The following PACSIN2 variants were observed in gnomAD, a reference collection of about 807,000 sequenced individuals.
PACSIN2 encodes protein kinase C and casein kinase substrate in neurons 2, also known as protein kinase C and casein kinase substrate in neurons protein 2.
A neutral mutation model predicts 63.8 loss-of-function variants in PACSIN2; 25 were observed. The ratio of observed to expected loss-of-function variants is 0.39; its 90% confidence interval spans 0.29 to 0.55. The LOEUF is 0.55. Among genes scored for constraint, PACSIN2 ranks in the 20% least tolerant of loss-of-function variants. The pLI is 0.62. For synonymous variants in PACSIN2, 255 were observed against 256.2 expected (o/e 1.00, Z 0.05); for missense variants, 518 against 646.9 (o/e 0.80, Z 2.16).
intron 1 of PACSIN2, among the ~76,000 whole-genome samples, chr22:43,001,019 C>G (rs1398025355): frequency 6.6e-6 from 1 of 152,202 alleles, no homozygotes; most frequent in Non-Finnish European, 1.5e-5. Flanking sequence ...GCACAAGCAG[C>G]CCTTGGGCCC....
At chr22:42,981,287 GCAACCACC>G (rs1445018433) in intron 1 of PACSIN2, among the ~76,000 whole-genome samples, 8 of 135,618 alleles carry the variant, frequency 5.9e-5, no homozygotes, top group Non-Finnish European at 1.3e-4. Flanking sequence ...CCTCCGTCCG[GCAACCACC>G]CCGTCTGGGA....
chr22:42,883,280 G>T (rs2014923542), intron 6 of PACSIN2, among the ~76,000 whole-genome samples: 1 of 152,092 alleles, frequency 6.6e-6, no homozygotes, highest in Non-Finnish European at 1.5e-5. Context: ...AATAAGATGG[G>T]GTCAGTGCCA....
chr22:43,010,054 G>C (rs936257744), intron 1 of PACSIN2, among the ~76,000 whole-genome samples: 1 of 151,658 alleles, frequency 6.6e-6, no homozygotes, highest in African/African-American at 2.4e-5. Context: ...ATTTTCAGCA[G>C]AGATGGGGTT....
Position 42,907,694 on chromosome 22 carries a change from G to A in PACSIN2, c.60+4327C>T, listed in dbSNP as rs890149096. Among the ~76,000 whole-genome samples the A allele has an allele frequency of 2.6e-5, 4 of 152,282 alleles. No homozygotes were observed. The South Asian group carries it at 6.2e-4, about 24-fold the overall frequency. ...TGACATTCGCTCGCTTCGTGCTTGCGCTCAGGGCACTGCTCTGCCGCCTCC... is the reference window on the plus strand; with the variant it reads ...TGACATTCGCTCGCTTCGTGCTTGCACTCAGGGCACTGCTCTGCCGCCTCC... On this transcript the variant is annotated intron_variant, in intron 2 of 10. Coordinates refer to ENST00000263246, the MANE Select transcript of PACSIN2 (RefSeq NM_001184970.3).
intron 8 of PACSIN2, among the ~76,000 whole-genome samples, chr22:42,878,066 C>G (rs1326275866): frequency 6.6e-6 from 1 of 152,224 alleles, no homozygotes; most frequent in Non-Finnish European, 1.5e-5. Flanking sequence ...CTCACCGGCC[C>G]TCCTCCCTCC....
intron 1 of PACSIN2, among the ~76,000 whole-genome samples, chr22:42,969,818 C>T (rs554240903): frequency 4.0e-5 from 6 of 151,726 alleles, no homozygotes; most frequent in African/African-American, 1.5e-4. Context: ...AGCTGTGGTC[C>T]CAGCTACTCA....
rs1275977819 is a variant in PACSIN2 at position 42,882,244 on chromosome 22, G to A, written c.846C>T (p.Asp282=). Residue 282 remains aspartate (D), a synonymous_variant, in exon 7 of 11, where the codon GAC becomes GAT. Transcript: ENST00000263246. ...QSIRAADAVE[D]LRWFRANHGP... ...CGTGATTGGCTCGGAACCACCTCAG[G>A]TCCTCCACTGCATCAGCTGCTCTGA... 6.2e-7 allele frequency: 1 copy of A among 1,613,992 alleles called. No homozygotes were observed. The highest frequency in any genetic ancestry group is 8.5e-7 in the Non-Finnish European group (1 of 1,179,924).
At chr22:42,998,236 C>A (rs1923542782) in intron 1 of PACSIN2, among the ~76,000 whole-genome samples, 1 of 152,190 alleles carries the variant, frequency 6.6e-6, no homozygotes, top group South Asian at 2.1e-4. Flanking sequence ...CCTGGGGACC[C>A]AGCAAAATTC....
chr22:42,983,791 T>A (rs964627199), intron 1 of PACSIN2, among the ~76,000 whole-genome samples: 3 of 151,686 alleles, frequency 2.0e-5, no homozygotes, highest in African/African-American at 7.3e-5. Flanking sequence ...CTATGTATTG[T>A]TTTTTAAGAA....
chr22:42,999,591 C>T (rs1054903601), intron 1 of PACSIN2, among the ~76,000 whole-genome samples: 2 of 152,166 alleles, frequency 1.3e-5, no homozygotes, highest in African/African-American at 2.4e-5. Context: ...TCGCTTGAAC[C>T]CGGGACGCGG....
At chr22:42,985,082 A>G (rs1443095867) in intron 1 of PACSIN2, among the ~76,000 whole-genome samples, 1 of 152,204 alleles carries the variant, frequency 6.6e-6, no homozygotes, top group Non-Finnish European at 1.5e-5. Context: ...TAATCTCAGC[A>G]CTTTGGGAGG....
intron 1 of PACSIN2, among the ~76,000 whole-genome samples, chr22:42,913,669 C>T (rs1455080525): frequency 6.6e-6 from 1 of 152,094 alleles, no homozygotes; most frequent in Non-Finnish European, 1.5e-5. Flanking sequence ...ATTGTTGCCA[C>T]TATTATTATT....
intron 1 of PACSIN2, among the ~76,000 whole-genome samples, chr22:43,009,106 T>C (rs1290143746): frequency 6.6e-6 from 1 of 152,186 alleles, no homozygotes; most frequent in Non-Finnish European, 1.5e-5. Flanking sequence ...TCTGGGATAT[T>C]TGAACTGCCA....
chr22:42,987,448 CAA>C (rs1491226918), intron 1 of PACSIN2, among the ~76,000 whole-genome samples: 56 of 100,306 alleles, frequency 5.6e-4, no homozygotes, highest in Non-Finnish European at 8.2e-4. Context: ...AGTCCAGGAG[CAA>C]CACACACACA....
chr22:43,010,304 C>T (rs1047414193), intron 1 of PACSIN2, among the ~76,000 whole-genome samples: 4 of 150,388 alleles, frequency 2.7e-5, no homozygotes, highest in Non-Finnish European at 5.9e-5. Flanking sequence ...TTTGGGAACC[C>T]GAGATGGGAG....
intron 1 of PACSIN2, among the ~76,000 whole-genome samples, chr22:42,971,879 G>A (rs1372257467): frequency 2.7e-5 from 4 of 149,376 alleles, no homozygotes; most frequent in Non-Finnish European, 6.0e-5. Flanking sequence ...CAGCAGCCCC[G>A]TTCGGGAGGT....
intron 1 of PACSIN2, among the ~76,000 whole-genome samples, chr22:42,992,885 CG>C (rs1378066970): frequency 6.6e-6 from 1 of 152,090 alleles, no homozygotes; most frequent in Non-Finnish European, 1.5e-5. Flanking sequence ...ATATACTGGC[CG>C]GAAGTGGTGG....
At chr22:42,879,299 G>T in intron 7 of PACSIN2, 130 bp from the exon 8 acceptor site, 2 of 968,154 alleles carry the variant, frequency 2.1e-6, no homozygotes, top group Non-Finnish European at 3.0e-6. Flanking sequence ...CAGGGCCCCA[G>T]CTCTCCCTGG....
chr22:42,947,233 G>C (rs1933463713), intron 1 of PACSIN2, among the ~76,000 whole-genome samples: 1 of 152,162 alleles, frequency 6.6e-6, no homozygotes. Flanking sequence ...AGAGTGAGCA[G>C]GAAGGAGGGA....
Sources: gnomAD v4.1 joint callset for allele counts (sites outside exome capture counted in the v4.1 genomes callset) on GRCh38, gnomAD v4.1.1 for gene constraint, MANE v1.5 for transcripts, NCBI Gene and HGNC (gene_info 2026-07-23, HGNC 2026-07-21) for gene names.